The following PLAC8 variants were observed in gnomAD, a reference collection of about 807,000 sequenced individuals.
PLAC8 encodes the protein placenta associated 8, also known as placenta-specific gene 8 protein.
PLAC8 carries 6 observed loss-of-function variants against 12.6 expected under a neutral mutation model. The ratio of observed to expected loss-of-function variants is 0.48; its 90% CI spans 0.26 to 0.94. The LOEUF (loss-of-function observed/expected upper bound fraction) is 0.94, where lower values mean the gene tolerates loss of function less well. Among genes scored for constraint, PLAC8 ranks in the 40% least tolerant of loss-of-function variants. The probability of loss-of-function intolerance (pLI) is 0.14; values close to 1 mark genes in which losing one functional copy is unlikely to be tolerated. For missense variants in PLAC8, 122 were observed against 152.7 expected (o/e 0.80, Z 1.06); for synonymous variants, 54 against 52.6 (o/e 1.03, Z -0.11).
chr4:83,112,188 T>G (rs1167652971), intron 1 of PLAC8, among the ~76,000 whole-genome samples: 1 of 96,500 alleles, frequency 1.0e-5, no homozygotes, highest in African/African-American at 4.9e-5. Flanking sequence ...AAAAAAAAAT[T>G]TATATATATA....
At chr4:83,103,908 T>A (rs1484103274) in intron 3 of PLAC8, among the ~76,000 whole-genome samples, 1 of 152,170 alleles carries the variant, frequency 6.6e-6, no homozygotes, top group Non-Finnish European at 1.5e-5. Flanking sequence ...CCTCAAGTGA[T>A]CAGCCCTCCT....
chr4:83,098,443 A>G (rs558891418), intron 3 of PLAC8, among the ~76,000 whole-genome samples: 17 of 152,368 alleles, frequency 1.1e-4, no homozygotes, highest in Middle Eastern at 3.4e-3. Context: ...TAAAAAGTTT[A>G]TGAAAATCTT....
In PLAC8 at chr4:83,094,663, T is replaced by C; in HGVS notation, c.*9+15A>G. The C allele has an allele frequency of 3.0e-6, 4 of 1,326,414 alleles. No homozygotes were observed. The highest frequency in any genetic ancestry group is 1.3e-5 in the South Asian group (1 of 79,722). 82.2% of individuals were successfully genotyped at this position (1,326,414 alleles called of 1,614,324 possible). Reference sequence around the variant, plus strand: ...AAACCCACATGTTCTGAGAGGCATGTTTGCATTGACTCACCATCAGTTTTT... The same window carrying C: ...AAACCCACATGTTCTGAGAGGCATGCTTGCATTGACTCACCATCAGTTTTT... On this transcript the variant is annotated intron_variant, in intron 4 of 4. Transcript: ENST00000311507.
chr4:83,094,948 G>A (rs1459080517), intron 3 of PLAC8, among the ~76,000 whole-genome samples, 157 bp from the exon 4 acceptor site: 5 of 152,154 alleles, frequency 3.3e-5, no homozygotes, highest in African/African-American at 4.8e-5. Flanking sequence ...TCACATAAAT[G>A]TTGTCTCATT....
At chr4:83,104,573 C>T (rs1732190820) in intron 3 of PLAC8, among the ~76,000 whole-genome samples, 1 of 152,188 alleles carries the variant, frequency 6.6e-6, no homozygotes, top group Non-Finnish European at 1.5e-5. Flanking sequence ...TGGACCTACC[C>T]ACTTTACAGA....
In PLAC8 at chr4:83,114,694, A is replaced by G. The variant is rs1732491054; in HGVS notation, c.-58T>C. 1 of 152,192 alleles carries G rather than the reference A, an allele frequency of 6.6e-6. No homozygotes were observed. Among genetic ancestry groups the G allele is most frequent in the Non-Finnish European group, 1.5e-5 (1 of 68,012 alleles). 9.4% of individuals were successfully genotyped at this position (152,192 alleles called of 1,614,324 possible). A position where few individuals can be genotyped will look rare whatever the true frequency, so the allele number is the denominator to read the frequency against. On this transcript the variant is annotated 5_prime_UTR_variant, in exon 1 of 5. Transcript: ENST00000311507. The stretch of plus-strand genomic sequence containing the variant: ...TAGTAAACAAGGTTCCGAGCAGGAA[A>G]TGTCTTGTGGCCTGGGAGAGAATCT...
intron 1 of PLAC8, among the ~76,000 whole-genome samples, chr4:83,111,114 C>T (rs1230811224): frequency 6.6e-6 from 1 of 152,104 alleles, no homozygotes; most frequent in Non-Finnish European, 1.5e-5. Flanking sequence ...TACAGGTGCA[C>T]ACCACCATGC....
chr4:83,107,007 C>G (rs1017969725), intron 2 of PLAC8, among the ~76,000 whole-genome samples: 4 of 152,174 alleles, frequency 2.6e-5, no homozygotes, highest in African/African-American at 9.7e-5. Context: ...TGAGACCAGC[C>G]TGGCCAACAT....
intron 3 of PLAC8, among the ~76,000 whole-genome samples, chr4:83,096,668 G>A (rs1437087094): frequency 1.3e-5 from 2 of 152,106 alleles, no homozygotes; most frequent in Admixed American, 1.3e-4. Context: ...ATACAGCTAT[G>A]GACATAGACA....
intron 4 of PLAC8, 141 bp downstream of exon 4, chr4:83,094,537 A>C: frequency 1.7e-6 from 1 of 578,676 alleles, no homozygotes; most frequent in Non-Finnish European, 3.1e-6. Flanking sequence ...ATTAAAGCCA[A>C]TCTTGATATT....
rs1322278580 is a variant in PLAC8 at position 83,090,681 on chromosome 4, A to G, written c.*300T>C. On this transcript the variant is annotated 3_prime_UTR_variant, in exon 5 of 5. Transcript: ENST00000311507. ...ATTTTAAGGAGAGCAAAGAAGCATG[A>G]AGAATCTTATCAGTAAAATATTTCA... 1 of 152,088 alleles carries G rather than the reference A, an allele frequency of 6.6e-6. No homozygotes were observed. 9.4% of individuals were successfully genotyped at this position (152,088 alleles called of 1,614,324 possible). A position where few individuals can be genotyped will look rare whatever the true frequency, so the allele number is the denominator to read the frequency against.
chr4:83,096,632 C>A (rs1731933866), intron 3 of PLAC8, among the ~76,000 whole-genome samples: 1 of 152,116 alleles, frequency 6.6e-6, no homozygotes, highest in Non-Finnish European at 1.5e-5. Context: ...ATGCCTATGA[C>A]TCATATAAAT....
At position 83,093,157 on chromosome 4, in the gene PLAC8, A is replaced by G. The variant is rs1210094670; in HGVS notation, c.*9+1521T>C. The G allele has an allele frequency of 2.6e-5, 4 of 152,086 alleles. No individual in the cohort carries two copies. The East Asian group carries it at 5.8e-4, about 22-fold the overall frequency. The allele number at this position is 152,086 out of a possible 1,614,324, so 9.4% of individuals were successfully genotyped here. ...GTGATCCTCTGTTTGCCCCTATCTG[A>G]TTTACTTACTCCCTTGACCATCCTG... On this transcript the variant is annotated intron_variant, in intron 4 of 4. Transcript: ENST00000311507.
intron 3 of PLAC8, among the ~76,000 whole-genome samples, chr4:83,099,253 A>G (rs1230905481): frequency 3.4e-5 from 5 of 147,760 alleles, no homozygotes; most frequent in Non-Finnish European, 7.4e-5. Context: ...TTTTTTTGAG[A>G]TGGAGTTTCA....
At chr4:83,098,315 A>G (rs914544027) in intron 3 of PLAC8, among the ~76,000 whole-genome samples, 4 of 152,236 alleles carry the variant, frequency 2.6e-5, no homozygotes, top group South Asian at 2.1e-4. Context: ...GCATTTTTCC[A>G]TAGGTTAAAA....
chr4:83,108,259 C>T (rs1732310942), intron 1 of PLAC8, among the ~76,000 whole-genome samples: 1 of 151,542 alleles, frequency 6.6e-6, no homozygotes, highest in Non-Finnish European at 1.5e-5. Context: ...TCTATCTCCA[C>T]CCTTCACAAG....
chr4:83,108,486 C>A (rs1732317173), intron 1 of PLAC8, among the ~76,000 whole-genome samples: 1 of 152,120 alleles, frequency 6.6e-6, no homozygotes, highest in African/African-American at 2.4e-5. Flanking sequence ...TCCAGCTACT[C>A]GGGAGGCCGA....
rs573016728 is a variant in PLAC8, at chr4:83,107,215, A to C, written c.118+589T>G. On this transcript the variant is annotated intron_variant, in intron 2 of 4. Coordinates refer to ENST00000311507, the MANE Select transcript of PLAC8 (RefSeq NM_016619.3). ...GACTTCGTCTCAAAAACAAACAAAA[A>C]AAAAAAACAAAAAAAAAAACAAAGC... Among the ~76,000 whole-genome samples the C allele has an allele frequency of 3.2e-5, 4 of 124,560 alleles. No homozygotes were observed. In the East Asian group the frequency reaches 6.8e-4, roughly 21 times the overall value. 81.7% of individuals were successfully genotyped at this position (124,560 alleles called of 152,430 possible).
intron 1 of PLAC8, among the ~76,000 whole-genome samples, chr4:83,111,893 A>G (rs1206899884): frequency 1.3e-5 from 2 of 152,018 alleles, no homozygotes; most frequent in South Asian, 2.1e-4. Flanking sequence ...TCTATATTCT[A>G]TAGTAAGCAG....
Sources: allele counts gnomAD v4.1 joint callset (sites outside exome capture counted in the v4.1 genomes callset), GRCh38; gene constraint gnomAD v4.1.1; transcripts MANE v1.5; gene names NCBI Gene and HGNC (gene_info 2026-07-23, HGNC 2026-07-21).